Variants in GLIS3 observed in about 807,000 individuals in gnomAD.
The protein encoded by GLIS3 is zinc finger protein GLIS3.
A neutral mutation model predicts 78.6 loss-of-function variants in GLIS3; 53 were observed. The observed-to-expected ratio is 0.67, with a 90% confidence interval of 0.54 to 0.85. The LOEUF (loss-of-function observed/expected upper bound fraction) is 0.85, where lower values mean the gene tolerates loss of function less well. Among genes scored for constraint, GLIS3 ranks in the 40% least tolerant of loss-of-function variants. The probability of loss-of-function intolerance (pLI) is 0.00; values close to 1 mark genes in which losing one functional copy is unlikely to be tolerated. For missense variants in GLIS3, 1,703 were observed against 1,231.1 expected, an observed-to-expected ratio of 1.38 and a Z score of -5.74; for synonymous variants, 684 against 509.9, an observed-to-expected ratio of 1.34 and a Z score of -4.60.
chr9:4,448,925 G>A, the GLIS3 span, among the ~76,000 whole-genome samples: 1 of 152,202 alleles, frequency 6.6e-6, no homozygotes, highest in South Asian at 2.1e-4. Context: ...AGTGATTTCT[G>A]CATTTCCAAC....
the GLIS3 span, among the ~76,000 whole-genome samples, chr9:4,387,735 C>T: frequency 6.6e-6 from 1 of 152,198 alleles, no homozygotes; most frequent in Non-Finnish European, 1.5e-5. Flanking sequence ...CTATAATCTT[C>T]ATTTGATGTA....
chr9:4,369,229 C>A, the GLIS3 span, among the ~76,000 whole-genome samples: 1 of 152,114 alleles, frequency 6.6e-6, no homozygotes, highest in Non-Finnish European at 1.5e-5. Flanking sequence ...TCTAGATCTT[C>A]CGAAGAAGTG....
intron 4 of GLIS3, among the ~76,000 whole-genome samples, chr9:3,967,010 G>GC (rs1418405101): frequency 1.8e-3 from 51 of 27,874 alleles, no homozygotes; most frequent in African/African-American, 5.0e-3. Context: ...ATTTCTTTCT[G>GC]CAAAAAAAAA....
intron 1 of GLIS3, among the ~76,000 whole-genome samples, chr9:4,297,575 G>A (rs935362934): frequency 6.6e-6 from 1 of 152,210 alleles, no homozygotes; most frequent in African/African-American, 2.4e-5. Context: ...CTGCCGGCTC[G>A]GGGAGAGGGT....
chr9:4,272,050 G>A (rs79552773), intron 2 of GLIS3, among the ~76,000 whole-genome samples: 84 of 152,244 alleles, frequency 5.5e-4, no homozygotes, highest in African/African-American at 1.9e-3. Flanking sequence ...TTGTGCCCTC[G>A]TCATGCGGCC....
chr9:4,456,132 A>G, the GLIS3 span, among the ~76,000 whole-genome samples: 7 of 152,214 alleles, frequency 4.6e-5, no homozygotes, highest in Non-Finnish European at 8.8e-5. Flanking sequence ...TTGTGTTTAC[A>G]CTATACTGTA....
In GLIS3 at chr9:3,828,002, T is replaced by C. The variant is rs1817816342; in HGVS notation, c.*270A>G. On this transcript the variant is annotated 3_prime_UTR_variant, in exon 11 of 11. Coordinates refer to ENST00000381971, the MANE Select transcript of GLIS3 (RefSeq NM_001042413.2). ...GTTGACAGCCAGGAAGTAACAGGTA[T>C]CCAGGAGAGTGAGGCTCTAAATTCC... The C allele has an allele frequency of 1.8e-5, 9 of 497,698 alleles. No homozygotes were observed. The South Asian group carries it at 1.9e-4, about 10-fold the overall frequency. The allele number at this position is 497,698 out of a possible 1,614,324, so 30.8% of individuals were successfully genotyped here. A position where few individuals can be genotyped will look rare whatever the true frequency, so the allele number is the denominator to read the frequency against.
the GLIS3 span, among the ~76,000 whole-genome samples, chr9:4,419,875 C>T: frequency 1.3e-5 from 2 of 152,076 alleles, no homozygotes; most frequent in East Asian, 3.9e-4. Context: ...AGAAATCTGC[C>T]CCCATGATCA....
chr9:4,445,779 C>G, the GLIS3 span, among the ~76,000 whole-genome samples: 1 of 152,198 alleles, frequency 6.6e-6, no homozygotes. Flanking sequence ...GAATCCTTCT[C>G]AAGTACACAC....
At chr9:4,166,004 G>C (rs749358599) in intron 2 of GLIS3, among the ~76,000 whole-genome samples, 5 of 152,148 alleles carry the variant, frequency 3.3e-5, no homozygotes, top group Non-Finnish European at 7.3e-5. Flanking sequence ...ATATTTAACA[G>C]GACAGGTTCT....
upstream of GLIS3, among the ~76,000 whole-genome samples, chr9:4,348,700 A>C (rs192664106): frequency 6.6e-6 from 1 of 152,356 alleles, no homozygotes; most frequent in Non-Finnish European, 1.5e-5. Flanking sequence ...TGTTAAACAA[A>C]TATGGTAAAT....
intron 2 of GLIS3, among the ~76,000 whole-genome samples, chr9:4,234,815 C>G (rs1038515519): frequency 1.3e-5 from 2 of 152,110 alleles, no homozygotes; most frequent in Non-Finnish European, 2.9e-5. Flanking sequence ...GCTTAAGTGA[C>G]CTGCTCAAGG....
chr9:3,906,510 A>G (rs1823713917), intron 6 of GLIS3, among the ~76,000 whole-genome samples: 1 of 152,200 alleles, frequency 6.6e-6, no homozygotes, highest in African/African-American at 2.4e-5. Context: ...CAGAAGGAGC[A>G]GGTTGGAGGT....
At chr9:4,028,654 A>G (rs778347027) in intron 4 of GLIS3, among the ~76,000 whole-genome samples, 9 of 152,122 alleles carry the variant, frequency 5.9e-5, no homozygotes, top group Non-Finnish European at 1.0e-4. Context: ...TTTTTCCCCA[A>G]TGCTAATTCC....
chr9:4,423,765 C>G, the GLIS3 span, among the ~76,000 whole-genome samples: 2 of 152,186 alleles, frequency 1.3e-5, no homozygotes, highest in Non-Finnish European at 2.9e-5. Context: ...ATCAGGCTAT[C>G]TTTCCTGGTA....
intron 2 of GLIS3, among the ~76,000 whole-genome samples, chr9:4,154,506 G>T (rs139578377): frequency 6.6e-6 from 1 of 152,082 alleles, no homozygotes; most frequent in African/African-American, 2.4e-5. Context: ...AGCTCAAAAA[G>T]CACCACAAAC....
intron 2 of GLIS3, among the ~76,000 whole-genome samples, chr9:4,315,047 C>G (rs886920687): frequency 1.3e-5 from 2 of 152,158 alleles, no homozygotes; most frequent in Non-Finnish European, 2.9e-5. Flanking sequence ...CCTTGTGGTC[C>G]TTCCACTCTC....
chr9:4,195,386 C>G (rs991717314), intron 2 of GLIS3, among the ~76,000 whole-genome samples: 7 of 152,338 alleles, frequency 4.6e-5, no homozygotes, highest in Admixed American at 3.9e-4. Flanking sequence ...CGGCCCCACA[C>G]TCGGAGAGGC....
At chr9:4,420,049 T>C in the GLIS3 span, among the ~76,000 whole-genome samples, 1 of 152,162 alleles carries the variant, frequency 6.6e-6, no homozygotes, top group Non-Finnish European at 1.5e-5. Context: ...TTTAGAGCAA[T>C]GTCCTGAAGC....
Sources: gnomAD v4.1 joint callset for allele counts (sites outside exome capture counted in the v4.1 genomes callset) on GRCh38, gnomAD v4.1.1 for gene constraint, MANE v1.5 for transcripts, NCBI Gene and HGNC (gene_info 2026-07-23, HGNC 2026-07-21) for gene names.